Variants in PLEKHH3 observed in about 807,000 individuals in gnomAD.
PLEKHH3 encodes pleckstrin homology, MyTH4 and FERM domain containing H3, also known as pleckstrin homology domain-containing family H member 3.
Under a neutral mutation model 77.8 loss-of-function variants are expected in PLEKHH3, and 57 were observed. The ratio of observed to expected loss-of-function variants is 0.73; its 90% CI spans 0.59 to 0.91. The LOEUF is 0.91. PLEKHH3 is among the 40% of genes least tolerant of loss of function. The pLI is 0.00. For missense variants in PLEKHH3, 1,082 were observed against 1,091.2 expected, an observed-to-expected ratio of 0.99 and a Z score of 0.12; for synonymous variants, 467 against 504.8, an observed-to-expected ratio of 0.93 and a Z score of 1.00.
chr17:42,670,338 G>A lies in PLEKHH3; in HGVS notation c.1593C>T (p.Pro531=). 1.4e-6 allele frequency: 2 copies of A among 1,398,696 alleles called. No individual in the cohort carries two copies. Among genetic ancestry groups the A allele is most frequent in the African/African-American group, 1.5e-5 (1 of 66,020 alleles). 86.6% of individuals were successfully genotyped at this position (1,398,696 alleles called of 1,614,324 possible). Residue 531 remains proline (P), a synonymous_variant, in exon 11 of 13, where the codon CCC becomes CCT. Transcript: ENST00000591022. ...ALLLRGRPPP[P]DDTLRALAAL... is the part of the protein sequence containing the mutation. ...CCGCCAGGGCGCGCAGCGTGTCGTC[G>A]GGTGGGGGCGGCCGGCCCCGCAGCA...
rs2052726434 is a variant in PLEKHH3 at position 42,672,511 on chromosome 17, G to A, written c.770-119C>T. 4.6e-6 allele frequency: 4 copies of A among 868,104 alleles called. 1 individual carries two copies. The highest frequency in any genetic ancestry group is 6.8e-6 in the Non-Finnish European group (4 of 587,144). The allele number at this position is 868,104 out of a possible 1,614,324, so 53.8% of individuals were successfully genotyped here. The stretch of plus-strand genomic sequence containing the variant: ...ATATAAGGGGATGGGGTGGCAGGGA[G>A]GGGAGGGTACGAACGACAGGAAGAG... On this transcript the variant is annotated intron_variant, in intron 6 of 12. Coordinates refer to ENST00000591022, the MANE Select transcript of PLEKHH3 (RefSeq NM_024927.5).
rs1488329976 is a variant in PLEKHH3 at position 42,670,272 on chromosome 17, C to T, written c.1659G>A (p.Arg553=). ...GGCGGTCCAGGCGGGGCAGGGGCAC[C>T]CGCGGAGAGAAGTCCCGCTGCAGGC... ...LQSLQRDFSP[R]VPLPRLDRLL... The change falls in exon 11 of 13, where the codon CGG becomes CGA. Residue 553 remains arginine, a synonymous_variant. Coordinates refer to ENST00000591022, the MANE Select transcript of PLEKHH3 (RefSeq NM_024927.5). 4 of 1,296,822 alleles carry T rather than the reference C, an allele frequency of 3.1e-6. No homozygotes were observed. The highest frequency in any genetic ancestry group is 3.9e-6 in the Non-Finnish European group (4 of 1,025,400). The allele number at this position is 1,296,822 out of a possible 1,614,324, so 80.3% of individuals were successfully genotyped here. A position where few individuals can be genotyped will look rare whatever the true frequency, so the allele number is the denominator to read the frequency against.
chr17:42,673,860 G>A (rs776856267), intron 3 of PLEKHH3, 26 bp from the exon 4 acceptor site: 6 of 1,606,922 alleles, frequency 3.7e-6, no homozygotes, highest in Non-Finnish European at 5.1e-6. Flanking sequence ...GGAGGGAAGG[G>A]ACATCAGTAG....
chr17:42,668,399 C>T lies in PLEKHH3; in HGVS notation c.2206-96G>A, dbSNP rs540809922. The T allele has an allele frequency of 3.0e-5, 34 of 1,119,308 alleles. No individual in the cohort carries two copies. In the South Asian group the frequency reaches 7.2e-4, roughly 24 times the overall value. 69.3% of individuals were successfully genotyped at this position (1,119,308 alleles called of 1,614,324 possible). A position where few individuals can be genotyped will look rare whatever the true frequency, so the allele number is the denominator to read the frequency against. On this transcript the variant is annotated intron_variant, in intron 12 of 12. Coordinates refer to ENST00000591022, the MANE Select transcript of PLEKHH3 (RefSeq NM_024927.5). ...GGCTCTAGGGCTCCAGCTTCCCCAC[C>T]AGGGTCCTACGTGCTCTGGCCCTGC...
Position 42,676,858 on chromosome 17 carries a change from A to G in PLEKHH3, c.-295T>C. On this transcript the variant is annotated 5_prime_UTR_variant, in exon 1 of 13. Transcript: ENST00000591022. The surrounding 1 kb of genome is among the most constrained non-coding windows in gnomAD (Gnocchi z 6.6). ...GGAAGTAGTGTCCGTTGGAGTGTCC[A>G]GCCCTGTGGGGGGCAGTGTCCGGTG... 1 of 438,104 alleles carries G rather than the reference A, an allele frequency of 2.3e-6. No homozygotes were observed. The highest frequency in any genetic ancestry group is 3.9e-5 in the Admixed American group (1 of 25,740). The allele number at this position is 438,104 out of a possible 1,614,324, so 27.1% of individuals were successfully genotyped here.
intron 2 of PLEKHH3, 111 bp downstream of exon 2, chr17:42,674,243 C>G: frequency 7.5e-7 from 1 of 1,326,740 alleles, no homozygotes; most frequent in Non-Finnish European, 1.0e-6. Context: ...ACCACAGCGT[C>G]CGGCATAGGG....
chr17:42,674,063 C>T (rs1260104106), intron 2 of PLEKHH3, 50 bp from the exon 3 acceptor site: 3 of 1,584,332 alleles, frequency 1.9e-6, no homozygotes, highest in Non-Finnish European at 2.6e-6. Flanking sequence ...CTCTAGGGGG[C>T]TCCTCTGTAG....
intron 12 of PLEKHH3, 143 bp from the exon 13 acceptor site, chr17:42,668,446 A>T (rs2052604777): frequency 3.4e-6 from 2 of 582,280 alleles, no homozygotes; most frequent in South Asian, 4.2e-5. Flanking sequence ...CCTTATCACC[A>T]CTCTCTCCTT....
intron 1 of PLEKHH3, chr17:42,674,712 T>G: frequency 3.0e-6 from 1 of 338,940 alleles, no homozygotes; most frequent in Non-Finnish European, 5.3e-6. Context: ...GAGACCTGGG[T>G]TCCAATTCCC....
intron 1 of PLEKHH3, chr17:42,675,806 C>T: frequency 3.3e-6 from 3 of 917,438 alleles, no homozygotes; most frequent in Non-Finnish European, 3.9e-6. Flanking sequence ...CACCATCCAT[C>T]CCCTCAGGGG....
At position 42,671,171 on chromosome 17, in the gene PLEKHH3, C is replaced by G; in HGVS notation, c.1285-41G>C. On this transcript the variant is annotated intron_variant, in intron 8 of 12. Transcript: ENST00000591022. The surrounding 1 kb of genome is among the most constrained non-coding windows in gnomAD (Gnocchi z 4.7). Reference sequence around the variant, plus strand: ...GAGGGGAGACCACTCAGAGGTCTTGCCAGGATTCTGGGAGGGGTTGATTCA... The same window carrying G: ...GAGGGGAGACCACTCAGAGGTCTTGGCAGGATTCTGGGAGGGGTTGATTCA... The G allele has an allele frequency of 6.5e-7, 1 of 1,539,356 alleles. No individual in the cohort carries two copies. Among genetic ancestry groups the G allele is most frequent in the Non-Finnish European group, 8.7e-7 (1 of 1,143,024 alleles).
chr17:42,670,603 G>A lies in PLEKHH3; in HGVS notation c.1524C>T (p.Asp508=), dbSNP rs201447583. The A allele has an allele frequency of 5.8e-5, 94 of 1,612,028 alleles. 1 individual carries two copies. The highest frequency in any genetic ancestry group is 1.7e-5 in the Non-Finnish European group (20 of 1,179,108). The change falls in exon 10 of 13, where the codon GAC becomes GAT. Residue 508 remains aspartate, a synonymous_variant. Transcript: ENST00000591022. ...GPLHPEGLSP[D]GHELPFLFEQ... is the part of the protein sequence containing the mutation. ...CAAAGAGGAAAGGCAGTTCGTGACC[G>A]TCTGGGGACAGCCCCTCAGGGTGCA...
rs780786237 is a variant in PLEKHH3, at chr17:42,671,474, C to G, written c.1161G>C (p.Glu387Asp). 13 of 1,613,172 alleles carry G rather than the reference C, an allele frequency of 8.1e-6. No individual in the cohort carries two copies. The highest frequency in any genetic ancestry group is 5.0e-5 in the Admixed American group (3 of 60,004). The stretch of plus-strand genomic sequence containing the variant: ...AAATCTCCGCCAGCGAGGGCACCAG[C>G]TCTCTGCCGCGCGTCCGGCCCAGCG... ...RKALGRTRGR[E>D]LVPSLAEISA... is the part of the protein sequence containing the mutation. Residue 387 changes from glutamate to aspartate, a missense_variant, in exon 8 of 13, where the codon GAG (glutamate) becomes GAC (aspartate). This residue lies in a region of PLEKHH3 where 733 missense variants were observed against 750.0 expected (regional missense o/e 0.98). Coordinates refer to ENST00000591022, the MANE Select transcript of PLEKHH3 (RefSeq NM_024927.5). This position sits in a 1 kb window ranked among gnomAD's most constrained non-coding sequence, Gnocchi z 4.7.
Position 42,671,354 on chromosome 17 carries a change from C to G in PLEKHH3, c.1281G>C (p.Gly427=). ...TGGGGCCTTTCTCTGGCCTCACCTC[C>G]CCCGCCGTGGTGTGGGAGTCGATGG... ...AVAIDSHTTA[G]EVARELVGRL... is the part of the protein sequence containing the mutation. Residue 427 remains glycine, a synonymous_variant, in exon 8 of 13, where the codon GGG becomes GGC. Transcript: ENST00000591022. This position sits in a 1 kb window ranked among gnomAD's most constrained non-coding sequence, Gnocchi z 4.7. The G allele has an allele frequency of 6.2e-7, 1 of 1,612,530 alleles. No homozygotes were observed. Among genetic ancestry groups the G allele is most frequent in the Non-Finnish European group, 8.5e-7 (1 of 1,179,794 alleles).
intron 1 of PLEKHH3, among the ~76,000 whole-genome samples, chr17:42,675,432 C>CT (rs2143609878): frequency 1.3e-5 from 2 of 152,282 alleles, no homozygotes; most frequent in Admixed American, 1.3e-4. Context: ...CTGAGTGGGG[C>CT]TGTCAGCCAC....
At position 42,676,590 on chromosome 17, in the gene PLEKHH3, G is replaced by A; in HGVS notation, c.-27C>T. The A allele has an allele frequency of 6.5e-7, 1 of 1,544,026 alleles. No individual in the cohort carries two copies. Among genetic ancestry groups the A allele is most frequent in the African/African-American group, 1.4e-5 (1 of 73,170 alleles). On this transcript the variant is annotated 5_prime_UTR_variant, in exon 1 of 13. Coordinates refer to ENST00000591022, the MANE Select transcript of PLEKHH3 (RefSeq NM_024927.5). The surrounding 1 kb of genome is among the most constrained non-coding windows in gnomAD (Gnocchi z 6.6). ...CGGGCGAGGAGCTGCGGATGGGGGCGCGGGCAGCCGCGGCCGAGCAGTAGG... is the reference window on the plus strand; with the variant it reads ...CGGGCGAGGAGCTGCGGATGGGGGCACGGGCAGCCGCGGCCGAGCAGTAGG...
rs1460269120 is a variant in PLEKHH3, at chr17:42,671,330, G to T, written c.1284+21C>A. The T allele has an allele frequency of 1.9e-6, 3 of 1,609,298 alleles. No homozygotes were observed. Among genetic ancestry groups the T allele is most frequent in the Middle Eastern group, 1.7e-4 (1 of 5,908 alleles). On this transcript the variant is annotated intron_variant, in intron 8 of 12. Coordinates refer to ENST00000591022, the MANE Select transcript of PLEKHH3 (RefSeq NM_024927.5). The surrounding 1 kb of genome is among the most constrained non-coding windows in gnomAD (Gnocchi z 4.7). ...GCTGGCAGGGTGGGTTGGAGGTCAT[G>T]GGGCCTTTCTCTGGCCTCACCTCCC...
At chr17:42,674,307 G>T in intron 2 of PLEKHH3, 47 bp downstream of exon 2, 1 of 1,522,954 alleles carries the variant, frequency 6.6e-7, no homozygotes, top group Non-Finnish European at 8.8e-7. Context: ...GGGGTCCCGG[G>T]AACATGCTGG....
chr17:42,673,486 A>C lies in PLEKHH3; in HGVS notation c.561T>G (p.Ala187=). 7 of 1,610,956 alleles carry C rather than the reference A, an allele frequency of 4.3e-6. No individual in the cohort carries two copies. The highest frequency in any genetic ancestry group is 1.3e-5 in the African/African-American group (1 of 74,956). ...CCCGCAATGCCACCCCCCAGCGCTC[A>C]GCCTCTGCCTGGCGTGGGGAGCAGA... ...VRLCSPRQAE[A]ERWGVALREV... is the part of the protein sequence containing the mutation. Residue 187 remains alanine (A), a synonymous_variant, in exon 5 of 13, where the codon GCT becomes GCG. Transcript: ENST00000591022.
Sources: allele counts gnomAD v4.1 joint callset (sites outside exome capture counted in the v4.1 genomes callset), GRCh38; gene constraint gnomAD v4.1.1; regional missense constraint gnomAD v4.1.1; non-coding constraint Gnocchi (gnomAD v3.1); transcripts MANE v1.5; gene names NCBI Gene and HGNC (gene_info 2026-07-23, HGNC 2026-07-21).